The following NMI variants were observed in gnomAD, a reference collection of about 807,000 sequenced individuals.
NMI encodes the protein N-myc and STAT interactor, also known as N-myc-interactor.
NMI carries 39 observed loss-of-function variants against 34.3 expected under a neutral mutation model. The observed-to-expected ratio is 1.14, with a 90% confidence interval of 0.88 to 1.49. The LOEUF is 1.49. Ranked by LOEUF, NMI falls within the 40% of genes most tolerant of loss-of-function variation. NMI has a pLI of 0.00. For missense variants in NMI, 339 were observed against 358.1 expected, an observed-to-expected ratio of 0.95 and a Z score of 0.43; for synonymous variants, 113 against 120.3, an observed-to-expected ratio of 0.94 and a Z score of 0.40.
At chr2:151,275,440 C>T (rs1402284920) in intron 6 of NMI, 44 bp downstream of exon 6, 11 of 1,524,200 alleles carry the variant, frequency 7.2e-6, no homozygotes, top group Non-Finnish European at 1.0e-5. Context: ...CAGAACATGA[C>T]TGAAATGGCA....
At position 151,270,655 on chromosome 2, in the gene NMI, C is replaced by A. The variant is rs41268703; in HGVS notation, c.*38G>T. The A allele has an allele frequency of 6.7e-6, 10 of 1,482,118 alleles. No individual in the cohort carries two copies. Among genetic ancestry groups the A allele is most frequent in the Non-Finnish European group, 9.2e-6 (10 of 1,089,080 alleles). 91.8% of individuals were successfully genotyped at this position (1,482,118 alleles called of 1,614,324 possible). ...TTTTTGTCAAACATTTACAGTAATCCGGGTTAAAAAGCTATAGTTTTCATG... is the reference window on the plus strand; with the variant it reads ...TTTTTGTCAAACATTTACAGTAATCAGGGTTAAAAAGCTATAGTTTTCATG... On this transcript the variant is annotated 3_prime_UTR_variant, in exon 8 of 8. Coordinates refer to ENST00000243346, the MANE Select transcript of NMI (RefSeq NM_004688.3).
At chr2:151,284,083 C>T (rs763094984) in intron 1 of NMI, among the ~76,000 whole-genome samples, 17 of 152,078 alleles carry the variant, frequency 1.1e-4, no homozygotes, top group Non-Finnish European at 1.5e-4. Flanking sequence ...TCTGGCCGGG[C>T]GCGGTGGCTC....
At chr2:151,273,115 T>TAA (rs79100114) in intron 6 of NMI, among the ~76,000 whole-genome samples, 1 of 146,132 alleles carries the variant, frequency 6.8e-6, no homozygotes, top group African/African-American at 2.5e-5. Flanking sequence ...TTATCACAGT[T>TAA]AAAAAAAAAA....
intron 3 of NMI, among the ~76,000 whole-genome samples, chr2:151,281,085 G>A (rs533306298): frequency 3.7e-4 from 56 of 152,002 alleles, no homozygotes; most frequent in Non-Finnish European, 6.5e-4. Flanking sequence ...TGATCCACCC[G>A]CCTCAGCCTC....
intron 1 of NMI, among the ~76,000 whole-genome samples, chr2:151,287,153 A>T (rs894796533): frequency 6.6e-6 from 1 of 152,230 alleles, no homozygotes; most frequent in South Asian, 2.1e-4. Flanking sequence ...TCAAGTATAT[A>T]ATGAAAGATG....
rs897214816 is a variant in NMI at position 151,275,638 on chromosome 2, A to G, written c.480T>C (p.Asn160=). The part of the protein sequence containing the change: ...VYVEVSKMKI[N]VTEIPDTLRE... ...GCAATGTGTCAGGAATTTCAGTAAC[A>G]TTGATTTTCATTTTAGAAACTTCTA... Residue 160 remains asparagine, a synonymous_variant, in exon 6 of 8, where the codon AAT becomes AAC. Transcript: ENST00000243346. The G allele has an allele frequency of 1.2e-6, 2 of 1,614,166 alleles. No individual in the cohort carries two copies. The highest frequency in any genetic ancestry group is 4.5e-5 in the East Asian group (2 of 44,888).
Position 151,270,737 on chromosome 2 carries a change from T to G in NMI, c.880A>C (p.Lys294Gln). The G allele has an allele frequency of 6.2e-7, 1 of 1,614,052 alleles. No individual in the cohort carries two copies. Among genetic ancestry groups the G allele is most frequent in the Non-Finnish European group, 8.5e-7 (1 of 1,179,952 alleles). ...KNGGGEVDVV[K>Q]CSLGQPHIAY... ...ATGTGAGGTTGACCTAGAGAACACT[T>G]GACCACATCTACTTCTCCACCTCCA... is the stretch of plus-strand genomic sequence containing the variant. Residue 294 changes from lysine (K) to glutamine (Q), a missense_variant, in exon 8 of 8, where the codon AAG becomes CAG. Transcript: ENST00000243346.
At chr2:151,273,789 T>G (rs1489156637) in intron 6 of NMI, among the ~76,000 whole-genome samples, 1 of 152,180 alleles carries the variant, frequency 6.6e-6, no homozygotes, top group Non-Finnish European at 1.5e-5. Context: ...CCCAAAGTGC[T>G]GGGATTATAG....
intron 1 of NMI, among the ~76,000 whole-genome samples, chr2:151,286,366 T>C (rs893986903): frequency 3.3e-5 from 5 of 152,180 alleles, no homozygotes; most frequent in Non-Finnish European, 7.3e-5. Flanking sequence ...CTAAGAAATG[T>C]CCATACTGAA....
intron 6 of NMI, among the ~76,000 whole-genome samples, chr2:151,272,983 G>A (rs1458816156): frequency 7.5e-6 from 1 of 134,154 alleles, no homozygotes; most frequent in African/African-American, 2.6e-5. Context: ...TCAGTTTGGG[G>A]TGATTAAAAA....
chr2:151,273,431 C>A (rs920218272), intron 6 of NMI, among the ~76,000 whole-genome samples: 1 of 152,236 alleles, frequency 6.6e-6, no homozygotes, highest in Admixed American at 6.5e-5. Context: ...AGGAGAACAT[C>A]CCCAGATGGC....
chr2:151,284,831 T>G (rs533520255), intron 1 of NMI, among the ~76,000 whole-genome samples: 53 of 152,150 alleles, frequency 3.5e-4, no homozygotes, highest in Non-Finnish European at 5.0e-4. Flanking sequence ...TTCTCAATAT[T>G]CTTGAAAAAG....
chr2:151,276,981 T>C (rs1325122861), intron 4 of NMI, among the ~76,000 whole-genome samples: 3 of 152,184 alleles, frequency 2.0e-5, no homozygotes, highest in African/African-American at 7.2e-5. Context: ...AAAATGTGAG[T>C]GGGCATTTAT....
At chr2:151,278,594 A>G (rs1468311638) in intron 4 of NMI, 6 of 456,886 alleles carry the variant, frequency 1.3e-5, no homozygotes, top group Non-Finnish European at 1.6e-5. Context: ...ACATCATCAT[A>G]GCACCTGGAT....
intron 5 of NMI, 26 bp downstream of exon 5, chr2:151,275,732 C>T: frequency 6.2e-7 from 1 of 1,609,762 alleles, no homozygotes; most frequent in Admixed American, 1.7e-5. Context: ...GAACAGAAAT[C>T]CAAAAAATTT....
chr2:151,278,687 G>A, intron 4 of NMI, 141 bp downstream of exon 4: 1 of 643,672 alleles, frequency 1.6e-6, no homozygotes, highest in Non-Finnish European at 2.6e-6. Context: ...TCTGTAAAAT[G>A]GGAATAATCA....
At chr2:151,284,175 G>C (rs1300514063) in intron 1 of NMI, among the ~76,000 whole-genome samples, 1 of 152,148 alleles carries the variant, frequency 6.6e-6, no homozygotes, top group Non-Finnish European at 1.5e-5. Context: ...GGCCAACATG[G>C]TGAAACCCCG....
chr2:151,271,787 C>G, intron 6 of NMI, 55 bp from the exon 7 acceptor site: 1 of 870,742 alleles, frequency 1.1e-6, no homozygotes, highest in Non-Finnish European at 1.9e-6. Flanking sequence ...GCATTTTTAA[C>G]CAAAGTTAAA....
chr2:151,288,408 T>C (rs1472943476), intron 1 of NMI, among the ~76,000 whole-genome samples: 2 of 152,202 alleles, frequency 1.3e-5, no homozygotes, highest in Non-Finnish European at 2.9e-5. Context: ...GAAGGGCTGC[T>C]GAGCCAAATA....
Sources: gnomAD v4.1 joint callset for allele counts (sites outside exome capture counted in the v4.1 genomes callset) on GRCh38, gnomAD v4.1.1 for gene constraint, MANE v1.5 for transcripts, NCBI Gene and HGNC (gene_info 2026-07-23, HGNC 2026-07-21) for gene names.